The following VSTM5 variants were observed in gnomAD, a reference collection of about 807,000 sequenced individuals.
VSTM5 encodes the protein V-set and transmembrane domain containing 5, also known as V-set and transmembrane domain-containing protein 5.
A neutral mutation model predicts 20.3 loss-of-function variants in VSTM5; 21 were observed. The ratio of observed to expected loss-of-function variants is 1.03; its 90% CI spans 0.73 to 1.49. VSTM5 has a LOEUF of 1.49. Among genes scored for constraint, VSTM5 ranks in the 40% most tolerant of loss-of-function variants. VSTM5 has a pLI of 0.00. For synonymous variants in VSTM5, 100 were observed against 102.5 expected, an observed-to-expected ratio of 0.98 and a Z score of 0.14; for missense variants, 219 against 250.0, an observed-to-expected ratio of 0.88 and a Z score of 0.84.
rs981465475 is a variant in VSTM5, at chr11:93,850,286, C to T, written c.91+126G>A. 9 of 736,830 alleles carry T rather than the reference C, an allele frequency of 1.2e-5. No homozygotes were observed. The African/African-American group carries it at 1.3e-4, about 11-fold the overall frequency. 45.6% of individuals were successfully genotyped at this position (736,830 alleles called of 1,614,324 possible). ...GCGCGGTGCCTGCCAGCCGAGCTCA[C>T]CGCGCGCCCTCAGCCGGACAAGGTG... On this transcript the variant is annotated intron_variant, in intron 1 of 3. Transcript: ENST00000409977.
intron 1 of VSTM5, among the ~76,000 whole-genome samples, chr11:93,826,498 T>G (rs1396352884): frequency 6.6e-6 from 1 of 151,784 alleles, no homozygotes; most frequent in Non-Finnish European, 1.5e-5. Context: ...CCCGGGTTCG[T>G]GCCATTCTCC....
chr11:93,833,194 T>C (rs1944295646), intron 1 of VSTM5, among the ~76,000 whole-genome samples: 1 of 152,248 alleles, frequency 6.6e-6, no homozygotes, highest in African/African-American at 2.4e-5. Flanking sequence ...TGATAATGTT[T>C]CTGGATATAT....
At chr11:93,846,203 GT>G (rs891252334) in intron 1 of VSTM5, among the ~76,000 whole-genome samples, 7 of 117,242 alleles carry the variant, frequency 6.0e-5, no homozygotes, top group East Asian at 5.1e-4. Context: ...GATATAGTAA[GT>G]TTTTTTTTGT....
intron 1 of VSTM5, among the ~76,000 whole-genome samples, chr11:93,829,258 G>A (rs1944262353): frequency 6.6e-6 from 1 of 152,230 alleles, no homozygotes; most frequent in Non-Finnish European, 1.5e-5. Context: ...CACTTGTGGT[G>A]GCTCACGCCT....
intron 1 of VSTM5, among the ~76,000 whole-genome samples, chr11:93,838,619 C>T (rs1426337722): frequency 7.0e-6 from 1 of 142,100 alleles, no homozygotes. Context: ...TGGTGAAATC[C>T]CGTCTCTTAA....
rs574926559 is a variant in VSTM5 at position 93,825,935 on chromosome 11, T to TA, written c.92-4613_92-4612insT. ...AGATGTACAAAACTAAGAGTTGATT[T>TA]TAAAAAAAAAAGAAATAAAGGCCAG... On this transcript the variant is annotated intron_variant, in intron 1 of 3. Coordinates refer to ENST00000409977, the MANE Select transcript of VSTM5 (RefSeq NM_001144871.2). 9.7e-3 allele frequency among the ~76,000 whole-genome samples: 1,427 copies of TA among 147,652 alleles called. 3 individuals are homozygous for TA. The highest frequency in any genetic ancestry group is 0.024 in the South Asian group (110 of 4,556).
At chr11:93,837,124 C>G (rs1165768411) in intron 1 of VSTM5, among the ~76,000 whole-genome samples, 2 of 152,110 alleles carry the variant, frequency 1.3e-5, no homozygotes, top group Non-Finnish European at 2.9e-5. Flanking sequence ...CTCCACCTCC[C>G]AGGTTCAAGT....
At chr11:93,834,661 T>C (rs1591400225) in intron 1 of VSTM5, among the ~76,000 whole-genome samples, 1 of 151,864 alleles carries the variant, frequency 6.6e-6, no homozygotes, top group Non-Finnish European at 1.5e-5. Flanking sequence ...TGTGCACCTG[T>C]AGTCCCAGCT....
At chr11:93,831,935 A>G (rs921424978) in intron 1 of VSTM5, among the ~76,000 whole-genome samples, 4 of 152,232 alleles carry the variant, frequency 2.6e-5, no homozygotes, top group Admixed American at 2.0e-4. Flanking sequence ...GTTACTCTCA[A>G]ACATTAGTGT....
intron 1 of VSTM5, among the ~76,000 whole-genome samples, chr11:93,827,037 G>C (rs1334807446): frequency 6.6e-6 from 1 of 152,120 alleles, no homozygotes; most frequent in African/African-American, 2.4e-5. Flanking sequence ...CTAGGTGTTA[G>C]GAACAAAGCG....
intron 1 of VSTM5, among the ~76,000 whole-genome samples, chr11:93,846,821 C>T (rs1944415667): frequency 6.9e-6 from 1 of 144,614 alleles, no homozygotes; most frequent in South Asian, 2.2e-4. Flanking sequence ...GGCTGGAGGG[C>T]AGTGGCATGA....
chr11:93,836,743 T>C (rs764440145), intron 1 of VSTM5, among the ~76,000 whole-genome samples: 17 of 152,214 alleles, frequency 1.1e-4, no homozygotes, highest in Non-Finnish European at 1.9e-4. Flanking sequence ...CTGTTCTCCC[T>C]TTAGACTGTA....
chr11:93,821,694 G>GC (rs1944188179), intron 1 of VSTM5: 1 of 223,864 alleles, frequency 4.5e-6, no homozygotes, highest in African/African-American at 2.3e-5. Context: ...TCTCACTCAA[G>GC]CCCTCAGTGT....
intron 1 of VSTM5, among the ~76,000 whole-genome samples, chr11:93,825,819 A>C (rs1591397284): frequency 6.7e-6 from 1 of 149,992 alleles, no homozygotes; most frequent in Non-Finnish European, 1.5e-5. Context: ...CCCAGGCTGG[A>C]GTGCAGTGGT....
chr11:93,850,581 C>T lies in VSTM5; in HGVS notation c.-79G>A, dbSNP rs1240415246. The T allele has an allele frequency of 1.9e-5, 19 of 1,022,072 alleles. 1 individual carries two copies. The Admixed American group carries it at 4.9e-4, about 27-fold the overall frequency. The allele number at this position is 1,022,072 out of a possible 1,614,324, so 63.3% of individuals were successfully genotyped here. A position where few individuals can be genotyped will look rare whatever the true frequency, so the allele number is the denominator to read the frequency against. On this transcript the variant is annotated 5_prime_UTR_variant, in exon 1 of 4. Transcript: ENST00000409977. Reference sequence around the variant, plus strand: ...AGCTCCTATGCAGCCTTCTCTCTTCCTCCGCCTCTGGCTGCCGCAGGTTCT... The same window carrying T: ...AGCTCCTATGCAGCCTTCTCTCTTCTTCCGCCTCTGGCTGCCGCAGGTTCT...
intron 1 of VSTM5, among the ~76,000 whole-genome samples, chr11:93,842,820 G>A (rs1223875737): frequency 6.6e-6 from 1 of 152,208 alleles, no homozygotes; most frequent in African/African-American, 2.4e-5. Context: ...GATCATTCAG[G>A]GCCGGGGACA....
chr11:93,819,059 A>G lies in VSTM5; in HGVS notation c.*1510T>C, dbSNP rs1310560159. 1 of 152,180 alleles carries G rather than the reference A, an allele frequency of 6.6e-6. No individual in the cohort carries two copies. Among genetic ancestry groups the G allele is most frequent in the African/African-American group, 2.4e-5 (1 of 41,432 alleles). 9.4% of individuals were successfully genotyped at this position (152,180 alleles called of 1,614,324 possible). On this transcript the variant is annotated 3_prime_UTR_variant, in exon 4 of 4. Transcript: ENST00000409977. Reference sequence around the variant, plus strand: ...AATATTCTGAGAGATCCCTTCCCAAAACTCTGGATTCAATATTGAGGGAAA... The same window carrying G: ...AATATTCTGAGAGATCCCTTCCCAAGACTCTGGATTCAATATTGAGGGAAA...
intron 1 of VSTM5, among the ~76,000 whole-genome samples, chr11:93,822,733 G>GA (rs1006639212): frequency 1.2e-4 from 18 of 151,802 alleles, no homozygotes; most frequent in African/African-American, 4.3e-4. Flanking sequence ...CAATTGATCT[G>GA]CCTTCTCGGC....
chr11:93,826,569 T>G (rs1160482925), intron 1 of VSTM5, among the ~76,000 whole-genome samples: 1 of 151,946 alleles, frequency 6.6e-6, no homozygotes, highest in Non-Finnish European at 1.5e-5. Context: ...GGCTAATTTT[T>G]TTTGTATTTT....
Sources: gnomAD v4.1 joint callset for allele counts (sites outside exome capture counted in the v4.1 genomes callset) on GRCh38, gnomAD v4.1.1 for gene constraint, MANE v1.5 for transcripts, NCBI Gene and HGNC (gene_info 2026-07-23, HGNC 2026-07-21) for gene names.